OSBPL6: variants seen among roughly 807,000 people sequenced by gnomAD.
The protein encoded by OSBPL6 is oxysterol binding protein like 6.
A neutral mutation model predicts 125.8 loss-of-function variants in OSBPL6; 49 were observed. The ratio of observed to expected loss-of-function variants is 0.39; its 90% CI spans 0.31 to 0.49. OSBPL6 has a LOEUF of 0.49. Among genes scored for constraint, OSBPL6 ranks in the 20% least tolerant of loss-of-function variants. The pLI is 0.88. For synonymous variants in OSBPL6, 394 were observed against 391.8 expected, an observed-to-expected ratio of 1.01 and a Z score of -0.07; for missense variants, 986 against 1,135.4, an observed-to-expected ratio of 0.87 and a Z score of 1.89.
intron 1 of OSBPL6, among the ~76,000 whole-genome samples, chr2:178,235,398 C>CTTTTTTTTTTTTTTTTTTTT: frequency 1.3e-5 from 1 of 78,040 alleles, no homozygotes; most frequent in Non-Finnish European, 2.4e-5. Flanking sequence ...CTTTTCTTTT[C>CTTTTTTTTTTTTTTTTTTTT]TTTTTTTTTT....
In OSBPL6 at chr2:178,389,158, A is replaced by C. The variant is rs1695193047; in HGVS notation, c.2301+5A>C. The stretch of plus-strand genomic sequence containing the variant: ...TGCAAACTCACATTTGTCAAGGTAA[A>C]TACTATCATACAACAGTAAAGGAAA... On this transcript the variant is annotated splice_donor_5th_base_variant and intron_variant, in intron 21 of 24. Transcript: ENST00000190611. 15 of 1,612,846 alleles carry C rather than the reference A, an allele frequency of 9.3e-6. No homozygotes were observed. The highest frequency in any genetic ancestry group is 1.3e-5 in the Non-Finnish European group (15 of 1,179,580).
intron 2 of OSBPL6, among the ~76,000 whole-genome samples, chr2:178,296,781 C>A (rs556994145): frequency 6.6e-6 from 1 of 152,212 alleles, no homozygotes; most frequent in Admixed American, 6.5e-5. Context: ...GAACCTGGGA[C>A]CTGGCAGTGG....
Position 178,270,313 on chromosome 2 carries a change from T to C in OSBPL6, c.-350-14614T>C, listed in dbSNP as rs374449969. The stretch of plus-strand genomic sequence containing the variant: ...TATGAATGATTTGAATCTGGAAATA[T>C]GTGCAATGTGACTTTTGGGCAAAGC... On this transcript the variant is annotated intron_variant, in intron 1 of 24. Coordinates refer to ENST00000190611, the MANE Select transcript of OSBPL6 (RefSeq NM_032523.4). Among the ~76,000 whole-genome samples the C allele has an allele frequency of 7.2e-5, 11 of 152,356 alleles. No homozygotes were observed. In the East Asian group the frequency reaches 1.7e-3, roughly 24 times the overall value.
chr2:178,277,965 A>AT (rs1307137348), intron 1 of OSBPL6, among the ~76,000 whole-genome samples: 6 of 152,178 alleles, frequency 3.9e-5, no homozygotes, highest in African/African-American at 1.4e-4. Flanking sequence ...TCTCACCAGC[A>AT]TTTGAGACCT....
intron 1 of OSBPL6, among the ~76,000 whole-genome samples, chr2:178,251,561 C>G (rs577983707): frequency 2.0e-4 from 30 of 152,116 alleles, no homozygotes; most frequent in South Asian, 4.1e-4. Context: ...CTCTCAGAAA[C>G]TATAATATGT....
chr2:178,353,402 A>G (rs1691471784), intron 12 of OSBPL6, among the ~76,000 whole-genome samples: 1 of 152,244 alleles, frequency 6.6e-6, no homozygotes, highest in Non-Finnish European at 1.5e-5. Flanking sequence ...AGGACCTTAA[A>G]TGACCTGATG....
intron 1 of OSBPL6, among the ~76,000 whole-genome samples, chr2:178,282,300 C>T (rs1043432311): frequency 1.3e-5 from 2 of 152,134 alleles, no homozygotes; most frequent in East Asian, 3.9e-4. Flanking sequence ...TGGGAGAGGG[C>T]GGAGGAATTC....
rs571949133 is a variant in OSBPL6 at position 178,364,703 on chromosome 2, G to A, written c.1287+2888G>A. Among the ~76,000 whole-genome samples the A allele has an allele frequency of 9.2e-5, 14 of 152,196 alleles. 1 individual carries two copies. In the South Asian group the frequency reaches 2.1e-3, roughly 23 times the overall value. The stretch of plus-strand genomic sequence containing the variant: ...GATGATGGATTTCTGTGGAGATTGA[G>A]GTGTCTGTGGGGCATTTTACAGGCA... On this transcript the variant is annotated intron_variant, in intron 13 of 24. Transcript: ENST00000190611.
At chr2:178,249,368 T>C (rs1266849633) in intron 1 of OSBPL6, among the ~76,000 whole-genome samples, 2 of 152,220 alleles carry the variant, frequency 1.3e-5, no homozygotes, top group African/African-American at 2.4e-5. Flanking sequence ...TTAGTAGCTA[T>C]AAATTTATTC....
At chr2:178,199,333 C>G (rs950357192) in intron 1 of OSBPL6, among the ~76,000 whole-genome samples, 10 of 152,164 alleles carry the variant, frequency 6.6e-5, no homozygotes, top group Admixed American at 6.5e-4. Flanking sequence ...TTCTCTTCCC[C>G]CTTAAACCCC....
At position 178,346,291 on chromosome 2, in the gene OSBPL6, C is replaced by G. The variant is rs986644212; in HGVS notation, c.988-2933C>G. Among the ~76,000 whole-genome samples, 6 of 152,196 alleles carry G rather than the reference C, an allele frequency of 3.9e-5. No homozygotes were observed. In the South Asian group the frequency reaches 8.3e-4, roughly 21 times the overall value. On this transcript the variant is annotated intron_variant, in intron 11 of 24. Coordinates refer to ENST00000190611, the MANE Select transcript of OSBPL6 (RefSeq NM_032523.4). ...TGCAGTCAGTACCCTCAAAGAATCC[C>G]TGTACACATAGTGCAGAACAGCAAC... is the stretch of plus-strand genomic sequence containing the variant.
intron 1 of OSBPL6, among the ~76,000 whole-genome samples, chr2:178,264,541 G>C (rs1048889424): frequency 5.3e-5 from 8 of 152,290 alleles, no homozygotes; most frequent in African/African-American, 1.7e-4. Context: ...GAACTATTTG[G>C]AGAATGAGGA....
rs1436272310 is a variant in OSBPL6 at position 178,372,358 on chromosome 2, C to T, written c.1395+125C>T. 12 of 621,160 alleles carry T rather than the reference C, an allele frequency of 1.9e-5. No homozygotes were observed. The Admixed American group carries it at 3.9e-4, about 20-fold the overall frequency. 38.5% of individuals were successfully genotyped at this position (621,160 alleles called of 1,614,324 possible). On this transcript the variant is annotated intron_variant, in intron 14 of 24. Transcript: ENST00000190611. The stretch of plus-strand genomic sequence containing the variant: ...AGGTTCCCTCCATAAATATTTGTGT[C>T]ACTGACAGTTCAGTGTTCTTTGAAG...
intron 1 of OSBPL6, among the ~76,000 whole-genome samples, chr2:178,251,653 A>G (rs1230719696): frequency 1.3e-5 from 2 of 152,140 alleles, no homozygotes; most frequent in Non-Finnish European, 2.9e-5. Context: ...TTTTGAAGGC[A>G]GTTGTTCTTT....
intron 7 of OSBPL6, 30 bp downstream of exon 7, chr2:178,332,784 C>G: frequency 1.2e-6 from 2 of 1,610,166 alleles, no homozygotes; most frequent in Non-Finnish European, 1.7e-6. Flanking sequence ...GTTTCTCTGC[C>G]ATTATCAGGG....
At chr2:178,253,303 G>T (rs571457913) in intron 1 of OSBPL6, among the ~76,000 whole-genome samples, 1 of 152,300 alleles carries the variant, frequency 6.6e-6, no homozygotes, top group East Asian at 1.9e-4. Flanking sequence ...TTACAGGGGT[G>T]AGCCACTGTG....
chr2:178,295,036 GA>G (rs1685622582), intron 2 of OSBPL6, among the ~76,000 whole-genome samples: 1 of 151,950 alleles, frequency 6.6e-6, no homozygotes, highest in Admixed American at 6.6e-5. Context: ...GGTTTTTAAT[GA>G]AACTAACATT....
chr2:178,255,035 G>C (rs1308006863), intron 1 of OSBPL6, among the ~76,000 whole-genome samples: 1 of 152,220 alleles, frequency 6.6e-6, no homozygotes, highest in African/African-American at 2.4e-5. Context: ...CAGGAGCGGT[G>C]GCTCAGGCCT....
intron 12 of OSBPL6, among the ~76,000 whole-genome samples, chr2:178,361,249 A>C (rs1692326882): frequency 6.6e-6 from 1 of 152,228 alleles, no homozygotes; most frequent in Non-Finnish European, 1.5e-5. Flanking sequence ...TTTTGGGTGC[A>C]TGCTTTTGGA....
Sources: gnomAD v4.1 joint callset for allele counts (sites outside exome capture counted in the v4.1 genomes callset) on GRCh38, gnomAD v4.1.1 for gene constraint, MANE v1.5 for transcripts, NCBI Gene and HGNC (gene_info 2026-07-23, HGNC 2026-07-21) for gene names.